The following ABHD12 variants were observed in gnomAD, a reference collection of about 807,000 sequenced individuals.
The protein encoded by ABHD12 is lysophosphatidylserine lipase ABHD12.
Under a neutral mutation model 58.3 loss-of-function variants are expected in ABHD12, and 43 were observed. The ratio of observed to expected loss-of-function variants is 0.74; its 90% CI spans 0.58 to 0.95. The LOEUF is 0.95. ABHD12 is among the 40% of genes least tolerant of loss of function. The pLI, the probability that ABHD12 is intolerant of heterozygous loss-of-function variation, is 0.00. For missense variants in ABHD12, 539 were observed against 537.2 expected (o/e 1.00, Z -0.03); for synonymous variants, 219 against 211.2 (o/e 1.04, Z -0.32).
At chr20:25,303,271 G>A in intron 11 of ABHD12, 1 of 1,287,988 alleles carries the variant, frequency 7.8e-7, no homozygotes, top group South Asian at 1.5e-5. Flanking sequence ...ACCCCTGTGT[G>A]AGGACTGGGA....
At chr20:25,355,216 C>T (rs369474696) in intron 1 of ABHD12, among the ~76,000 whole-genome samples, 2 of 152,202 alleles carry the variant, frequency 1.3e-5, no homozygotes, top group South Asian at 4.2e-4. Context: ...GCAGGCTGGA[C>T]GACACTTAAT....
At chr20:25,314,371 G>A (rs1321108818) in intron 6 of ABHD12, among the ~76,000 whole-genome samples, 2 of 152,108 alleles carry the variant, frequency 1.3e-5, no homozygotes, top group Non-Finnish European at 2.9e-5. Context: ...AAAAAAGACA[G>A]TATCTTCTAA....
intron 12 of ABHD12, chr20:25,295,125 A>G: frequency 7.6e-7 from 1 of 1,317,928 alleles, no homozygotes; most frequent in Non-Finnish European, 1.1e-6. Context: ...TTGTAGATTC[A>G]TAAATCTGGC....
chr20:25,369,867 G>T (rs1336036499), intron 1 of ABHD12, among the ~76,000 whole-genome samples: 1 of 145,224 alleles, frequency 6.9e-6, no homozygotes, highest in Non-Finnish European at 1.5e-5. Context: ...ATTGCATAAG[G>T]CCAGGAGAAT....
chr20:25,296,581 C>T (rs1239626817), downstream of ABHD12: 3 of 1,552,604 alleles, frequency 1.9e-6, no homozygotes, highest in East Asian at 6.8e-5. Context: ...TTTGCACCTC[C>T]TTTTTTCCCC....
At chr20:25,322,381 A>ATATATATATATTTTTTTTTTTT in intron 3 of ABHD12, among the ~76,000 whole-genome samples, 4 of 59,282 alleles carry the variant, frequency 6.7e-5, no homozygotes, top group African/African-American at 2.5e-4. Context: ...ATATATATAT[A>ATATATATATATTTTTTTTTTTT]TTTTTTTTTT....
Position 25,302,270 on chromosome 20 carries a change from C to T in ABHD12, c.1106G>A (p.Gly369Asp). The change falls in exon 12 of 13, where the codon GGC (glycine) becomes GAC (aspartate). Residue 369 changes from glycine to aspartate, a missense_variant. By Grantham distance (94) the Gly-to-Asp change is moderately conservative. Transcript: ENST00000339157. ...VQFVPFHSDLGYRHKYIYKSP... is the reference protein window; with the variant it reads ...VQFVPFHSDLDYRHKYIYKSP... ...CTTGTAAATGTATTTGTGCCTGTAG[C>T]CAAGGTCTGAATGAAAGGGCACAAA... is the stretch of plus-strand genomic sequence containing the variant. 1 of 1,613,814 alleles carries T rather than the reference C, an allele frequency of 6.2e-7. No individual in the cohort carries two copies.
downstream of ABHD12, chr20:25,296,527 ACC>A: frequency 3.1e-6 from 5 of 1,610,266 alleles, no homozygotes; most frequent in Non-Finnish European, 4.2e-6. Flanking sequence ...GACTAGGCAC[ACC>A]CTGCCTTGGC....
At chr20:25,388,097 A>G (rs2090118184) in intron 1 of ABHD12, among the ~76,000 whole-genome samples, 1 of 149,610 alleles carries the variant, frequency 6.7e-6, no homozygotes. Context: ...GAGAAGAGGG[A>G]TGGATGATTC....
At chr20:25,332,324 CAA>C (rs2089291289) in intron 2 of ABHD12, among the ~76,000 whole-genome samples, 1 of 151,904 alleles carries the variant, frequency 6.6e-6, no homozygotes, top group Admixed American at 6.6e-5. Context: ...GAGTGACCTA[CAA>C]AGAGACTTAG....
Position 25,390,746 on chromosome 20 carries a change from T to G in ABHD12, c.-43A>C. On this transcript the variant is annotated 5_prime_UTR_variant, in exon 1 of 13. Coordinates refer to ENST00000339157, the MANE Select transcript of ABHD12 (RefSeq NM_001042472.3). ...CAGCCGCCGACGGCGCCCGCTGGCCTGCGCCGCAGTGCCGCCGCTCACAGC... is the reference window on the plus strand; with the variant it reads ...CAGCCGCCGACGGCGCCCGCTGGCCGGCGCCGCAGTGCCGCCGCTCACAGC... 8.2e-7 allele frequency: 1 copy of G among 1,223,432 alleles called. No individual in the cohort carries two copies. The highest frequency in any genetic ancestry group is 1.0e-6 in the Non-Finnish European group (1 of 976,810). 75.8% of individuals were successfully genotyped at this position (1,223,432 alleles called of 1,614,324 possible). A position where few individuals can be genotyped will look rare whatever the true frequency, so the allele number is the denominator to read the frequency against.
chr20:25,346,684 G>A (rs954570514), intron 1 of ABHD12, among the ~76,000 whole-genome samples: 3 of 152,146 alleles, frequency 2.0e-5, no homozygotes, highest in East Asian at 1.9e-4. Context: ...TTGCTCTGTC[G>A]CCCAGGCTAG....
chr20:25,304,213 G>A (rs996760393), intron 10 of ABHD12, among the ~76,000 whole-genome samples: 11 of 152,256 alleles, frequency 7.2e-5, no homozygotes, highest in African/African-American at 1.9e-4. Flanking sequence ...TGTGTGCTCC[G>A]TGAGGGCAGC....
At chr20:25,312,921 G>C (rs796081084) in intron 6 of ABHD12, among the ~76,000 whole-genome samples, 2 of 55,438 alleles carry the variant, frequency 3.6e-5, no homozygotes, top group African/African-American at 1.3e-4. Flanking sequence ...GCCCCATCTG[G>C]GAAGTGAGGA....
rs553552926 is a variant in ABHD12, at chr20:25,339,037, A to G, written c.316+190T>C. Reference sequence around the variant, plus strand: ...GGTAATAAAAGCATTCTAGTTCTCAATCTGGGTGGTAGCTCTACCTATCTA... The same window carrying G: ...GGTAATAAAAGCATTCTAGTTCTCAGTCTGGGTGGTAGCTCTACCTATCTA... On this transcript the variant is annotated intron_variant, in intron 2 of 12. Transcript: ENST00000339157. 57 of 1,383,458 alleles carry G rather than the reference A, an allele frequency of 4.1e-5. No individual in the cohort carries two copies. The African/African-American group carries it at 5.9e-4, about 14-fold the overall frequency. The allele number at this position is 1,383,458 out of a possible 1,614,324, so 85.7% of individuals were successfully genotyped here.
In ABHD12 at chr20:25,309,480, G is replaced by C; in HGVS notation, c.715C>G (p.Pro239Ala). The C allele has an allele frequency of 6.2e-7, 1 of 1,614,180 alleles. No homozygotes were observed. Among genetic ancestry groups the C allele is most frequent in the Non-Finnish European group, 8.5e-7 (1 of 1,180,028 alleles). The change falls in exon 7 of 13, where the codon CCC becomes GCC. Residue 239 changes from proline to alanine, a missense_variant. Coordinates refer to ENST00000339157, the MANE Select transcript of ABHD12 (RefSeq NM_001042472.3). Reference protein sequence around the residue: ...DWIKARSGDNPVYIWGHSLGT... With the variant: ...DWIKARSGDNAVYIWGHSLGT... Reference sequence around the variant, plus strand: ...AGAGAGTGGCCCCAGATGTACACGGGGTTGTCACCACTTCTTGCTTTGATC... The same window carrying C: ...AGAGAGTGGCCCCAGATGTACACGGCGTTGTCACCACTTCTTGCTTTGATC...
downstream of ABHD12, among the ~76,000 whole-genome samples, chr20:25,299,038 A>G (rs753424735): frequency 7.9e-5 from 12 of 152,130 alleles, no homozygotes; most frequent in Non-Finnish European, 1.3e-4. Context: ...CTGACAGGTG[A>G]TGGTGGAGCA....
At chr20:25,318,952 T>C (rs1332483686) in intron 4 of ABHD12, among the ~76,000 whole-genome samples, 1 of 152,200 alleles carries the variant, frequency 6.6e-6, no homozygotes, top group African/African-American at 2.4e-5. Context: ...GGTTCCACCA[T>C]GCAGACCCCA....
At chr20:25,309,305 G>A in intron 7 of ABHD12, 141 bp downstream of exon 7, 3 of 1,259,186 alleles carry the variant, frequency 2.4e-6, no homozygotes, top group Non-Finnish European at 3.4e-6. Context: ...TCCTGCCTCT[G>A]CCATGGGGAT....
Sources: allele counts gnomAD v4.1 joint callset (sites outside exome capture counted in the v4.1 genomes callset), GRCh38; gene constraint gnomAD v4.1.1; transcripts MANE v1.5; gene names NCBI Gene and HGNC (gene_info 2026-07-23, HGNC 2026-07-21).